Variants in MYOM2 observed in about 807,000 individuals in gnomAD.
MYOM2 encodes myomesin 2.
MYOM2 carries 254 observed loss-of-function variants against 187.6 expected under a neutral mutation model. That is an observed-to-expected ratio of 1.35 (90% CI 1.22 to 1.50). The LOEUF (loss-of-function observed/expected upper bound fraction) is 1.50, where lower values mean the gene tolerates loss of function less well. MYOM2 is among the 40% of genes most tolerant of loss of function. The pLI is 0.00. For synonymous variants in MYOM2, 981 were observed against 753.8 expected, an observed-to-expected ratio of 1.30 and a Z score of -4.94; for missense variants, 2,796 against 1,924.0, an observed-to-expected ratio of 1.45 and a Z score of -8.48.
chr8:2,114,191 T>A (rs534102305), intron 25 of MYOM2, among the ~76,000 whole-genome samples: 2 of 152,338 alleles, frequency 1.3e-5, no homozygotes, highest in African/African-American at 4.8e-5. Flanking sequence ...CTCAGAACTT[T>A]GGGGCATGGC....
chr8:2,088,572 T>A (rs1796177943), intron 14 of MYOM2, among the ~76,000 whole-genome samples: 1 of 152,270 alleles, frequency 6.6e-6, no homozygotes. Flanking sequence ...AGCCTCCAGC[T>A]GCACCCATGT....
At chr8:2,108,938 G>A (rs1585921117) in intron 24 of MYOM2, 108 bp downstream of exon 24, 3 of 1,056,530 alleles carry the variant, frequency 2.8e-6, no homozygotes, top group South Asian at 1.4e-5. Flanking sequence ...AGGATGGCCT[G>A]ATTTCCTGAT....
At chr8:2,049,788 G>A (rs190536753) in intron 1 of MYOM2, among the ~76,000 whole-genome samples, 8 of 152,312 alleles carry the variant, frequency 5.3e-5, no homozygotes, top group Non-Finnish European at 1.0e-4. Flanking sequence ...CAGCACGTTG[G>A]CATTTTACGT....
chr8:2,064,384 C>A (rs994943560), intron 6 of MYOM2, among the ~76,000 whole-genome samples: 1 of 152,216 alleles, frequency 6.6e-6, no homozygotes, highest in Admixed American at 6.5e-5. Context: ...TTACCCGTGC[C>A]CACCGTGGGG....
intron 32 of MYOM2, among the ~76,000 whole-genome samples, chr8:2,140,088 C>T (rs1426008096): frequency 6.6e-6 from 1 of 152,176 alleles, no homozygotes; most frequent in Non-Finnish European, 1.5e-5. Context: ...CCCCCAGCCC[C>T]TGGTACCCAC....
At chr8:2,057,833 A>G in intron 5 of MYOM2, 53 bp downstream of exon 5, 1 of 1,583,956 alleles carries the variant, frequency 6.3e-7, no homozygotes, top group Non-Finnish European at 8.6e-7. Context: ...GTTTTCTTTC[A>G]GAAAGACCCC....
intron 24 of MYOM2, among the ~76,000 whole-genome samples, chr8:2,109,110 T>A (rs1169291640): frequency 6.6e-6 from 1 of 152,226 alleles, no homozygotes; most frequent in East Asian, 1.9e-4. Context: ...TCAAGTGAAA[T>A]CTTCTGTTAT....
In MYOM2 at chr8:2,092,523, G is replaced by A; in HGVS notation, c.2003+3G>A. ...CACAAGCCCATCGGATACAACAGGT[G>A]CGGCCTCCCTCCCCAGCCCTGGAGT... On this transcript the variant is annotated splice_donor_region_variant and intron_variant, in intron 16 of 36. Coordinates refer to ENST00000262113, the MANE Select transcript of MYOM2 (RefSeq NM_003970.4). 5.0e-6 allele frequency: 8 copies of A among 1,613,636 alleles called. No homozygotes were observed. Among genetic ancestry groups the A allele is most frequent in the Non-Finnish European group, 6.8e-6 (8 of 1,179,816 alleles).
intron 31 of MYOM2, among the ~76,000 whole-genome samples, chr8:2,128,611 T>G (rs775546348): frequency 3.9e-5 from 6 of 152,202 alleles, no homozygotes; most frequent in Non-Finnish European, 7.3e-5. Flanking sequence ...TGTTCTCGTT[T>G]ATTGCATTTT....
Position 2,068,324 on chromosome 8 carries a change from C to T in MYOM2, c.654-954C>T, listed in dbSNP as rs1016568679. On this transcript the variant is annotated intron_variant, in intron 6 of 36. Transcript: ENST00000262113. Reference sequence around the variant, plus strand: ...CTCTTCAATGCCTGTGTGTACCAGGCGGAGAGCATCCCGGGGGCAGCTCTT... The same window carrying T: ...CTCTTCAATGCCTGTGTGTACCAGGTGGAGAGCATCCCGGGGGCAGCTCTT... Among the ~76,000 whole-genome samples the T allele has an allele frequency of 1.6e-3, 234 of 143,080 alleles. 1 individual carries two copies. Among genetic ancestry groups the T allele is most frequent in the African/African-American group, 5.7e-3 (214 of 37,308 alleles). The allele number at this position is 143,080 out of a possible 152,430, so 93.9% of individuals were successfully genotyped here.
intron 31 of MYOM2, among the ~76,000 whole-genome samples, chr8:2,125,604 C>CTTTTTTTT (rs35137852): frequency 9.0e-5 from 8 of 89,296 alleles, no homozygotes; most frequent in Admixed American, 3.3e-4. Flanking sequence ...ATTATTTTTC[C>CTTTTTTTT]TTTTTTTTTT....
At chr8:2,054,165 C>T (rs117906626) in intron 3 of MYOM2, among the ~76,000 whole-genome samples, 2,010 of 152,266 alleles carry the variant, frequency 0.013, 27 homozygotes, top group South Asian at 0.023. Context: ...ATTAGTTTAG[C>T]GTGCTGGACA....
In MYOM2 at chr8:2,123,157, A is replaced by G; in HGVS notation, c.3454-95A>G. On this transcript the variant is annotated intron_variant, in intron 28 of 36. Coordinates refer to ENST00000262113, the MANE Select transcript of MYOM2 (RefSeq NM_003970.4). ...CTATAGTAAAAACTAAGGTTTTTTGAGGGGGGGGCTCTGTGATTTAAGATT... is the reference window on the plus strand; with the variant it reads ...CTATAGTAAAAACTAAGGTTTTTTGGGGGGGGGGCTCTGTGATTTAAGATT... 6 of 765,250 alleles carry G rather than the reference A, an allele frequency of 7.8e-6. No homozygotes were observed. In the South Asian group the frequency reaches 1.1e-4, roughly 14 times the overall value. The allele number at this position is 765,250 out of a possible 1,614,324, so 47.4% of individuals were successfully genotyped here.
intron 25 of MYOM2, among the ~76,000 whole-genome samples, chr8:2,112,336 G>A (rs1797094122): frequency 7.0e-6 from 1 of 143,306 alleles, no homozygotes; most frequent in African/African-American, 2.5e-5. Flanking sequence ...AAGTAGTCAG[G>A]AAGGATTTCA....
intron 13 of MYOM2, among the ~76,000 whole-genome samples, chr8:2,084,440 GGGA>G (rs1016092699): frequency 1.3e-5 from 2 of 152,142 alleles, no homozygotes; most frequent in Non-Finnish European, 2.9e-5. Flanking sequence ...AGATGTCCCG[GGGA>G]GGTTTCAGAC....
At chr8:2,082,019 G>C (rs191102407) in intron 13 of MYOM2, 2 of 152,238 alleles carry the variant, frequency 1.3e-5, no homozygotes, top group Non-Finnish European at 2.9e-5. Flanking sequence ...TTCCAAGTCT[G>C]TGTTTATGCG....
chr8:2,067,765 T>A (rs1819065502), intron 6 of MYOM2, among the ~76,000 whole-genome samples: 1 of 152,102 alleles, frequency 6.6e-6, no homozygotes, highest in Non-Finnish European at 1.5e-5. Context: ...TGTTTTGTTT[T>A]GTTTTCCCAG....
At chr8:2,099,816 A>T (rs998815585) in intron 19 of MYOM2, among the ~76,000 whole-genome samples, 2 of 152,236 alleles carry the variant, frequency 1.3e-5, no homozygotes, top group African/African-American at 2.4e-5. Flanking sequence ...TAATATGCTC[A>T]TACTTTGAGA....
chr8:2,092,762 GT>G (rs11402605), intron 16 of MYOM2, among the ~76,000 whole-genome samples: 115,410 of 151,950 alleles, frequency 0.76, 45,254 homozygotes, highest in South Asian at 0.91. Flanking sequence ...TCCAGAACCT[GT>G]TTTTTTTTCC....
Sources: allele counts gnomAD v4.1 joint callset (sites outside exome capture counted in the v4.1 genomes callset), GRCh38; gene constraint gnomAD v4.1.1; transcripts MANE v1.5; gene names NCBI Gene and HGNC (gene_info 2026-07-23, HGNC 2026-07-21).